The following OVGP1 variants were observed in gnomAD, a reference collection of about 807,000 sequenced individuals.
OVGP1 encodes oviductal glycoprotein 1.
OVGP1 carries 26 observed loss-of-function variants against 48.2 expected under a neutral mutation model. The observed-to-expected ratio is 0.54, with a 90% CI of 0.40 to 0.75. The LOEUF (loss-of-function observed/expected upper bound fraction) is 0.75, where lower values mean the gene tolerates loss of function less well. Among genes scored for constraint, OVGP1 ranks in the 30% least tolerant of loss-of-function variants. The pLI is 0.00. For synonymous variants in OVGP1, 294 were observed against 305.7 expected, an observed-to-expected ratio of 0.96 and a Z score of 0.40; for missense variants, 791 against 820.6, an observed-to-expected ratio of 0.96 and a Z score of 0.44.
intron 9 of OVGP1, among the ~76,000 whole-genome samples, chr1:111,418,642 C>A (rs949120124): frequency 6.6e-6 from 1 of 152,218 alleles, no homozygotes; most frequent in African/African-American, 2.4e-5. Flanking sequence ...CAATTTCTCA[C>A]CTTTAAACTG....
Position 111,423,052 on chromosome 1 carries a change from C to A in OVGP1, c.484-1G>T, listed in dbSNP as rs1489707862. The A allele has an allele frequency of 7.4e-6, 12 of 1,613,788 alleles. No homozygotes were observed. Among genetic ancestry groups the A allele is most frequent in the Non-Finnish European group, 9.3e-6 (11 of 1,179,996 alleles). ...CCTTCCGGAAGGCAAACAGGAGCTCCTAAGAGGAAAGACAGAAAGACACAG... is the reference window on the plus strand; with the variant it reads ...CCTTCCGGAAGGCAAACAGGAGCTCATAAGAGGAAAGACAGAAAGACACAG... On this transcript the variant is annotated splice_acceptor_variant, in intron 5 of 10. Transcript: ENST00000369732. LOFTEE classifies it high-confidence loss of function.
Position 111,423,173 on chromosome 1 carries a change from T to C in OVGP1, c.484-122A>G, listed in dbSNP as rs373899653. ...CCAGGCTCTGGGACACGAAGGTGAG[T>C]TGGACATGGGCCATGCCACAGGCTC... On this transcript the variant is annotated intron_variant, in intron 5 of 10. Coordinates refer to ENST00000369732, the MANE Select transcript of OVGP1 (RefSeq NM_002557.4). 3.9e-5 allele frequency: 48 copies of C among 1,220,360 alleles called. No individual in the cohort carries two copies. In the East Asian group the frequency reaches 6.9e-4, roughly 17 times the overall value. 75.6% of individuals were successfully genotyped at this position (1,220,360 alleles called of 1,614,324 possible).
In OVGP1 at chr1:111,421,332, C is replaced by T. The variant is rs746575126; in HGVS notation, c.847G>A (p.Gly283Arg). Residue 283 changes from glycine (G) to arginine (R), a missense_variant, in exon 8 of 11, where the codon GGA (glycine) becomes AGA (arginine). Gly to Arg is a moderately radical substitution (Grantham distance 125, BLOSUM62 -2). Transcript: ENST00000369732. ...GTGTACTTCCCTGGAGATGCTGGTC[C>T]GATCGCTCTGGCCTGCAACCCATTC... ...SKNGLQARAIGPASPGKYTKQ... is the reference protein window; with the variant it reads ...SKNGLQARAIRPASPGKYTKQ... 7.7e-5 allele frequency: 124 copies of T among 1,613,754 alleles called. No individual in the cohort carries two copies. The highest frequency in any genetic ancestry group is 9.8e-5 in the Non-Finnish European group (116 of 1,179,944).
chr1:111,419,775 G>T, intron 8 of OVGP1, 49 bp from the exon 9 acceptor site: 1 of 1,072,742 alleles, frequency 9.3e-7, no homozygotes, highest in Non-Finnish European at 1.4e-6. Flanking sequence ...ATGGAGATAA[G>T]CACCAAGAGA....
At chr1:111,415,475 C>G (rs1045689646) in intron 10 of OVGP1, 131 bp from the exon 11 acceptor site, 1 of 758,102 alleles carries the variant, frequency 1.3e-6, no homozygotes, top group African/African-American at 1.8e-5. Flanking sequence ...AGATTTCATA[C>G]TATACCTACT....
In OVGP1 at chr1:111,421,458, A is replaced by AT. The variant is rs1276370254; in HGVS notation, c.720dup (p.Tyr241IlefsTer34). The AT allele has an allele frequency of 1.9e-6, 3 of 1,610,754 alleles. No homozygotes were observed. Among genetic ancestry groups the AT allele is most frequent in the Non-Finnish European group, 2.5e-6 (3 of 1,178,506 alleles). ...AGCTTTCTCCAATAATTCATAGCAT[A>AT]TGCCTGCAGGTAAGAAGAATCCAGA... On this transcript the variant is annotated frameshift_variant, in exon 8 of 11. Transcript: ENST00000369732. LOFTEE classifies it high-confidence loss of function.
In OVGP1 at chr1:111,414,390, G is replaced by A; in HGVS notation, c.*74C>T. 2 of 1,366,918 alleles carry A rather than the reference G, an allele frequency of 1.5e-6. No homozygotes were observed. The highest frequency in any genetic ancestry group is 2.0e-6 in the Non-Finnish European group (2 of 1,004,516). 84.7% of individuals were successfully genotyped at this position (1,366,918 alleles called of 1,614,324 possible). On this transcript the variant is annotated 3_prime_UTR_variant, in exon 11 of 11. Transcript: ENST00000369732. ...TGGTTTTGATGCCTGCTTTGCCCCG[G>A]GATGAGAAGGCTTCCAACATGTCAC... is the stretch of plus-strand genomic sequence containing the variant.
chr1:111,424,038 T>C (rs1652339927), intron 4 of OVGP1, among the ~76,000 whole-genome samples: 1 of 152,166 alleles, frequency 6.6e-6, no homozygotes, highest in Non-Finnish European at 1.5e-5. Flanking sequence ...CCCCAAAACA[T>C]GGTATGCCCA....
intron 9 of OVGP1, among the ~76,000 whole-genome samples, chr1:111,418,682 C>G (rs1278769031): frequency 6.6e-6 from 1 of 152,174 alleles, no homozygotes; most frequent in Admixed American, 6.5e-5. Flanking sequence ...TAGTCCAGAC[C>G]CTCATTATCT....
chr1:111,421,765 A>G (rs573119849), intron 6 of OVGP1, 92 bp from the exon 7 acceptor site: 20 of 792,170 alleles, frequency 2.5e-5, no homozygotes, highest in Middle Eastern at 4.6e-4. Flanking sequence ...CTAGCTAGAC[A>G]TTGGTCACCA....
rs2101724820 is a variant in OVGP1, at chr1:111,419,705, C to T, written c.925G>A (p.Ala309Thr). The T allele has an allele frequency of 6.2e-7, 1 of 1,612,678 alleles. No individual in the cohort carries two copies. The highest frequency in any genetic ancestry group is 2.2e-5 in the East Asian group (1 of 44,866). ...TGGTAATCAATCCAGTGCTTCTTCGCTCCCCAGACAAAGGAACAAATCTGC... is the reference window on the plus strand; with the variant it reads ...TGGTAATCAATCCAGTGCTTCTTCGTTCCCCAGACAAAGGAACAAATCTGC... ...YFEICSFVWG[A>T]KKHWIDYQYV... Residue 309 changes from alanine (A) to threonine (T), a missense_variant, in exon 9 of 11, where the codon GCG (alanine) becomes ACG (threonine). By Grantham distance (58) the Ala-to-Thr change is moderately conservative. Coordinates refer to ENST00000369732, the MANE Select transcript of OVGP1 (RefSeq NM_002557.4).
rs117234552 is a variant in OVGP1, at chr1:111,415,855, C to T, written c.1156+468G>A. Among the ~76,000 whole-genome samples the T allele has an allele frequency of 3.9e-4, 60 of 152,274 alleles. 1 individual carries two copies. The East Asian group carries it at 6.6e-3, about 17-fold the overall frequency. On this transcript the variant is annotated intron_variant, in intron 10 of 10. Transcript: ENST00000369732. ...ACTTGACCTGACTGAGCTCCAGTCGCATTACCCATAAAATGAAGATTATAA... is the reference window on the plus strand; with the variant it reads ...ACTTGACCTGACTGAGCTCCAGTCGTATTACCCATAAAATGAAGATTATAA...
chr1:111,426,332 G>A, intron 3 of OVGP1, 105 bp downstream of exon 3: 1 of 1,510,438 alleles, frequency 6.6e-7, no homozygotes, highest in Non-Finnish European at 9.0e-7. Flanking sequence ...AGGAAGGTAG[G>A]ACTGGAAGAA....
rs773655372 is a variant in OVGP1 at position 111,419,355 on chromosome 1, G to A, written c.1020+255C>T. On this transcript the variant is annotated intron_variant, in intron 9 of 10. Transcript: ENST00000369732. ...AAAGGAAGAGACCAAAAAGATCATC[G>A]AAAAGCTGTAAGAACTGAGGGAACT... Among the ~76,000 whole-genome samples the A allele has an allele frequency of 9.9e-5, 15 of 152,172 alleles. No homozygotes were observed. In the East Asian group the frequency reaches 1.9e-3, roughly 20 times the overall value.
At position 111,427,128 on chromosome 1, in the gene OVGP1, A is replaced by G. The variant is rs542234917; in HGVS notation, c.26-37T>C. 35 of 1,613,954 alleles carry G rather than the reference A, an allele frequency of 2.2e-5. No individual in the cohort carries two copies. In the South Asian group the frequency reaches 3.6e-4, roughly 17 times the overall value. On this transcript the variant is annotated intron_variant, in intron 1 of 10. Transcript: ENST00000369732. ...AAAGGAAGGAGTCACACAGAGATTCATACCCTCACCAGAGTGGTATGGCAC... is the reference window on the plus strand; with the variant it reads ...AAAGGAAGGAGTCACACAGAGATTCGTACCCTCACCAGAGTGGTATGGCAC...
Position 111,421,323 on chromosome 1 carries a change from A to G in OVGP1, c.856T>C (p.Ser286Pro). The G allele has an allele frequency of 6.2e-7, 1 of 1,613,704 alleles. No individual in the cohort carries two copies. Among genetic ancestry groups the G allele is most frequent in the South Asian group, 1.1e-5 (1 of 90,974 alleles). Reference protein sequence around the residue: ...GLQARAIGPASPGKYTKQEGF... With the variant: ...GLQARAIGPAPPGKYTKQEGF... ...TCTTGCTTGGTGTACTTCCCTGGAGATGCTGGTCCGATCGCTCTGGCCTGC... is the reference window on the plus strand; with the variant it reads ...TCTTGCTTGGTGTACTTCCCTGGAGGTGCTGGTCCGATCGCTCTGGCCTGC... Residue 286 changes from serine (S) to proline (P), a missense_variant, in exon 8 of 11, where the codon TCT (serine) becomes CCT (proline). Coordinates refer to ENST00000369732, the MANE Select transcript of OVGP1 (RefSeq NM_002557.4).
intron 10 of OVGP1, 29 bp downstream of exon 10, chr1:111,416,294 A>C: frequency 6.5e-7 from 1 of 1,535,474 alleles, no homozygotes; most frequent in Non-Finnish European, 8.8e-7. Flanking sequence ...GCAACTTCCA[A>C]CCCCAGCTTC....
intron 4 of OVGP1, among the ~76,000 whole-genome samples, chr1:111,424,866 T>G (rs1008179575): frequency 8.5e-5 from 13 of 152,260 alleles, no homozygotes; most frequent in African/African-American, 3.1e-4. Context: ...GAAGGCAGTT[T>G]GTAATCTCCA....
intron 9 of OVGP1, among the ~76,000 whole-genome samples, chr1:111,417,241 A>G (rs906526549): frequency 6.6e-6 from 1 of 152,242 alleles, no homozygotes; most frequent in Non-Finnish European, 1.5e-5. Context: ...TTTAAAATTC[A>G]TTTCCTTATC....
Sources: allele counts gnomAD v4.1 joint callset (sites outside exome capture counted in the v4.1 genomes callset), GRCh38; gene constraint gnomAD v4.1.1; transcripts MANE v1.5; gene names NCBI Gene and HGNC (gene_info 2026-07-23, HGNC 2026-07-21).